Variants in ZFYVE9 observed in about 807,000 individuals in gnomAD.
The protein encoded by ZFYVE9 is zinc finger FYVE domain-containing protein 9.
ZFYVE9 carries 43 observed loss-of-function variants against 126.7 expected under a neutral mutation model. The observed-to-expected ratio is 0.34, with a 90% CI of 0.27 to 0.44. ZFYVE9 has a LOEUF of 0.44. Among genes scored for constraint, ZFYVE9 ranks in the 20% least tolerant of loss-of-function variants. The probability of loss-of-function intolerance (pLI) is 1.00; values close to 1 mark genes in which losing one functional copy is unlikely to be tolerated. For missense variants in ZFYVE9, 1,476 were observed against 1,697.0 expected (o/e 0.87, Z 2.29); for synonymous variants, 521 against 597.4 (o/e 0.87, Z 1.87).
At chr1:52,267,605 G>A (rs1259829356) in intron 6 of ZFYVE9, among the ~76,000 whole-genome samples, 2 of 151,646 alleles carry the variant, frequency 1.3e-5, no homozygotes, top group Admixed American at 1.3e-4. Flanking sequence ...CTTTCCTTTT[G>A]AAGATCATAG....
In ZFYVE9 at chr1:52,287,831, C is replaced by G. The variant is rs774579119; in HGVS notation, c.3026-5622C>G. 3.3e-5 allele frequency among the ~76,000 whole-genome samples: 5 copies of G among 152,204 alleles called. 1 individual carries two copies. Among genetic ancestry groups the G allele is most frequent in the Middle Eastern group, 6.8e-3 (2 of 294 alleles). On this transcript the variant is annotated intron_variant, in intron 10 of 18. Transcript: ENST00000287727. ...GTAGTGAGCTATGAGTGCACCACTG[C>G]ATTACAGCTTGAGTGACACAGTGAG...
chr1:52,232,688 A>G lies in ZFYVE9; in HGVS notation c.-36-483A>G, dbSNP rs1049169046. Among the ~76,000 whole-genome samples the G allele has an allele frequency of 4.4e-5, 6 of 137,760 alleles. No individual in the cohort carries two copies. In the Admixed American group the frequency reaches 4.7e-4, roughly 11 times the overall value. The allele number at this position is 137,760 out of a possible 152,430, so 90.4% of individuals were successfully genotyped here. On this transcript the variant is annotated intron_variant, in intron 2 of 18. Transcript: ENST00000287727. The stretch of plus-strand genomic sequence containing the variant: ...GGTTGCAGTGAGCCAAGATGGAGCC[A>G]TTGCACTCCAGCCTAGGCAACAAGA...
At chr1:52,315,638 G>C (rs1646176447) in intron 13 of ZFYVE9, among the ~76,000 whole-genome samples, 1 of 151,838 alleles carries the variant, frequency 6.6e-6, no homozygotes, top group Non-Finnish European at 1.5e-5. Flanking sequence ...ATCAAAATGG[G>C]TAGGTATATC....
At position 52,198,118 on chromosome 1, in the gene ZFYVE9, TTGTTTG is replaced by T. The variant is rs1262782665; in HGVS notation, c.-142-18249_-142-18244del. Among the ~76,000 whole-genome samples the T allele has an allele frequency of 3.2e-4, 12 of 37,224 alleles. 1 individual carries two copies. The highest frequency in any genetic ancestry group is 1.0e-3 in the African/African-American group (11 of 10,840). The allele number at this position is 37,224 out of a possible 152,430, so 24.4% of individuals were successfully genotyped here. A position where few individuals can be genotyped will look rare whatever the true frequency, so the allele number is the denominator to read the frequency against. ...TTAAATAATATTGTAGTGTTTTTTTTTGTTTGTTTTTTTTTTTTTTTGAGATGGAGT... is the reference window on the plus strand; with the variant it reads ...TTAAATAATATTGTAGTGTTTTTTTTTTTTTTTTTTTTTTTGAGATGGAGT... On this transcript the variant is annotated intron_variant, in intron 1 of 18. Coordinates refer to ENST00000287727, the MANE Select transcript of ZFYVE9 (RefSeq NM_004799.4).
intron 13 of ZFYVE9, among the ~76,000 whole-genome samples, chr1:52,325,643 G>A (rs927800773): frequency 1.3e-5 from 2 of 152,188 alleles, no homozygotes; most frequent in African/African-American, 4.8e-5. Context: ...ATAGTTTTAT[G>A]ACTATTACAA....
chr1:52,232,787 T>A (rs1257208935), intron 2 of ZFYVE9, among the ~76,000 whole-genome samples: 1 of 151,434 alleles, frequency 6.6e-6, no homozygotes, highest in Non-Finnish European at 1.5e-5. Context: ...CATTAGCATT[T>A]TGGAACTAGT....
chr1:52,277,499 G>A (rs1198378700), intron 8 of ZFYVE9, among the ~76,000 whole-genome samples: 1 of 152,044 alleles, frequency 6.6e-6, no homozygotes, highest in Non-Finnish European at 1.5e-5. Context: ...CCAGTGGGAT[G>A]ACTTTACTTA....
chr1:52,309,662 C>T (rs1646119815), intron 13 of ZFYVE9, among the ~76,000 whole-genome samples: 1 of 152,084 alleles, frequency 6.6e-6, no homozygotes, highest in African/African-American at 2.4e-5. Context: ...TGTACTAAGA[C>T]TGCTGGCTTC....
chr1:52,176,725 G>A (rs561943), intron 1 of ZFYVE9, among the ~76,000 whole-genome samples: 2,624 of 152,214 alleles, frequency 0.017, 71 homozygotes, highest in African/African-American at 0.059. Flanking sequence ...CCTCGCTGCC[G>A]CCTTGCAGTT....
intron 4 of ZFYVE9, among the ~76,000 whole-genome samples, chr1:52,259,303 C>A (rs1454215662): frequency 6.6e-6 from 1 of 152,070 alleles, no homozygotes; most frequent in African/African-American, 2.4e-5. Flanking sequence ...ACCCTATCTT[C>A]AAATAAGGTC....
chr1:52,297,624 G>A (rs1431310194), intron 12 of ZFYVE9, among the ~76,000 whole-genome samples: 2 of 151,800 alleles, frequency 1.3e-5, no homozygotes, highest in Non-Finnish European at 2.9e-5. Flanking sequence ...CAGCTTTTCG[G>A]TTGCTTTTTG....
chr1:52,226,433 G>A (rs1645171238), intron 2 of ZFYVE9, among the ~76,000 whole-genome samples: 1 of 152,184 alleles, frequency 6.6e-6, no homozygotes, highest in Admixed American at 6.5e-5. Context: ...CTACTCGGGA[G>A]GCTGAGGCAG....
Position 52,281,764 on chromosome 1 carries a change from GC to G in ZFYVE9, c.2975del (p.Pro992GlnfsTer21). ...AGTGTTTACCGGATGAAAAGTGTTT[GC>G]CAAAGGATATCTTTAATCACTTTGT... Reference protein sequence around the residue: ...LQCLPDEKCLPKDIFNHFVQL... With the variant: ...LQCLPDEKCLXKDIFNHFVQL... On this transcript the variant is annotated frameshift_variant, in exon 10 of 19. Transcript: ENST00000287727. LOFTEE classifies it high-confidence loss of function. 1 of 1,614,164 alleles carries G rather than the reference GC, an allele frequency of 6.2e-7. No individual in the cohort carries two copies. The highest frequency in any genetic ancestry group is 8.5e-7 in the Non-Finnish European group (1 of 1,180,020).
At chr1:52,342,002 G>A (rs1007013911) in intron 17 of ZFYVE9, among the ~76,000 whole-genome samples, 27 of 152,304 alleles carry the variant, frequency 1.8e-4, no homozygotes, top group Admixed American at 1.8e-3. Context: ...ATCCTAAGAT[G>A]CAGATGAGAA....
At chr1:52,288,064 G>A (rs1480435956) in intron 10 of ZFYVE9, among the ~76,000 whole-genome samples, 4 of 152,112 alleles carry the variant, frequency 2.6e-5, no homozygotes, top group Non-Finnish European at 1.5e-5. Flanking sequence ...CTTAATATAT[G>A]CTAAGCAGTA....
intron 3 of ZFYVE9, among the ~76,000 whole-genome samples, chr1:52,236,018 A>C (rs780669981): frequency 6.6e-6 from 1 of 152,132 alleles, no homozygotes; most frequent in African/African-American, 2.4e-5. Context: ...TTCTTTATAC[A>C]GTGAGTTGTT....
intron 17 of ZFYVE9, among the ~76,000 whole-genome samples, chr1:52,343,628 C>T (rs989962031): frequency 6.7e-6 from 1 of 149,314 alleles, no homozygotes; most frequent in Non-Finnish European, 1.5e-5. Context: ...TGGTGGTGCA[C>T]ACTTGTAGTC....
intron 13 of ZFYVE9, among the ~76,000 whole-genome samples, chr1:52,328,882 G>A (rs1646315036): frequency 6.6e-6 from 1 of 152,146 alleles, no homozygotes; most frequent in Non-Finnish European, 1.5e-5. Context: ...AGTGTAAGAG[G>A]AGTATTCAAT....
chr1:52,174,482 T>G (rs1644604647), intron 1 of ZFYVE9, among the ~76,000 whole-genome samples: 1 of 152,180 alleles, frequency 6.6e-6, no homozygotes, highest in Non-Finnish European at 1.5e-5. Context: ...TATATTCTGT[T>G]GATTTGGGGT....
Sources: gnomAD v4.1 joint callset for allele counts (sites outside exome capture counted in the v4.1 genomes callset) on GRCh38, gnomAD v4.1.1 for gene constraint, MANE v1.5 for transcripts, NCBI Gene and HGNC (gene_info 2026-07-23, HGNC 2026-07-21) for gene names.